AMBRA1: variants seen among roughly 807,000 people sequenced by gnomAD.
The protein encoded by AMBRA1 is autophagy and beclin 1 regulator 1.
AMBRA1 carries 47 observed loss-of-function variants against 125.4 expected under a neutral mutation model. The ratio of observed to expected loss-of-function variants is 0.37; its 90% CI spans 0.30 to 0.48. AMBRA1 has a LOEUF of 0.48. AMBRA1 is among the 20% of genes least tolerant of loss of function. The pLI is 0.99. For synonymous variants in AMBRA1, 626 were observed against 655.5 expected (o/e 0.95, Z 0.69); for missense variants, 1,331 against 1,693.4 (o/e 0.79, Z 3.76).
chr11:46,412,652 T>G (rs1946349646), intron 15 of AMBRA1, among the ~76,000 whole-genome samples: 1 of 152,212 alleles, frequency 6.6e-6, no homozygotes, highest in Non-Finnish European at 1.5e-5. Flanking sequence ...TATGGTTTGT[T>G]GACTCCATGA....
intron 9 of AMBRA1, among the ~76,000 whole-genome samples, chr11:46,502,592 G>A (rs1450670249): frequency 6.6e-6 from 1 of 152,286 alleles, no homozygotes; most frequent in African/African-American, 2.4e-5. Context: ...TCAGAAGAGA[G>A]CAGGAACAAG....
At chr11:46,578,622 G>A (rs549087137) in intron 1 of AMBRA1, among the ~76,000 whole-genome samples, 2 of 151,812 alleles carry the variant, frequency 1.3e-5, no homozygotes, top group African/African-American at 2.4e-5. Flanking sequence ...AGTGGTTCAC[G>A]CCTGTAATCC....
chr11:46,557,501 C>G (rs969381638), intron 1 of AMBRA1, among the ~76,000 whole-genome samples: 4 of 152,200 alleles, frequency 2.6e-5, no homozygotes, highest in South Asian at 4.2e-4. Flanking sequence ...CCACTGTCAC[C>G]TTTTTAAAAA....
chr11:46,517,037 G>C (rs751268102), intron 7 of AMBRA1, among the ~76,000 whole-genome samples: 17 of 152,016 alleles, frequency 1.1e-4, no homozygotes, highest in Admixed American at 5.9e-4. Context: ...TGGTGTCCAA[G>C]TGAGGTATAC....
intron 11 of AMBRA1, among the ~76,000 whole-genome samples, chr11:46,479,815 A>C (rs780059961): frequency 1.8e-4 from 27 of 152,156 alleles, no homozygotes; most frequent in Non-Finnish European, 1.3e-4. Flanking sequence ...ACATGTGTGA[A>C]ACTATCTGTT....
At chr11:46,582,709 A>G (rs1219459497) in intron 1 of AMBRA1, among the ~76,000 whole-genome samples, 1 of 152,190 alleles carries the variant, frequency 6.6e-6, no homozygotes, top group Non-Finnish European at 1.5e-5. Flanking sequence ...ACATCAATAA[A>G]ATGAGAAGAA....
chr11:46,465,437 A>G (rs1949283875), intron 11 of AMBRA1, among the ~76,000 whole-genome samples: 1 of 152,208 alleles, frequency 6.6e-6, no homozygotes. Context: ...TACTACAGTT[A>G]TGTGTAGGTG....
At chr11:46,412,442 G>A (rs981342156) in intron 15 of AMBRA1, among the ~76,000 whole-genome samples, 4 of 151,748 alleles carry the variant, frequency 2.6e-5, no homozygotes, top group African/African-American at 2.4e-5. Context: ...GCCTCACCAC[G>A]CCTGGCTAAT....
intron 11 of AMBRA1, among the ~76,000 whole-genome samples, chr11:46,450,079 A>G (rs1033028180): frequency 6.6e-6 from 1 of 151,582 alleles, no homozygotes; most frequent in African/African-American, 2.4e-5. Flanking sequence ...AAAAACAACT[A>G]ATGTCCACAC....
In AMBRA1 at chr11:46,585,160, G is replaced by C. The variant is rs190766278; in HGVS notation, c.-121+8668C>G. 5.3e-5 allele frequency among the ~76,000 whole-genome samples: 8 copies of C among 152,148 alleles called. No homozygotes were observed. In the East Asian group the frequency reaches 1.5e-3, roughly 29 times the overall value. On this transcript the variant is annotated intron_variant, in intron 1 of 17. Transcript: ENST00000683756. The stretch of plus-strand genomic sequence containing the variant: ...ACAGATGCTTGAAGGCAGCATGCTC[G>C]TTAAGAGTCATCACCACTCCCTAAT...
chr11:46,438,819 G>T lies in AMBRA1; in HGVS notation c.2633-3782C>A, dbSNP rs79446647. On this transcript the variant is annotated intron_variant, in intron 12 of 17. Transcript: ENST00000683756. ...CTAATGTGCCACTTTTTTCAGGAAA[G>T]CAATTTCAAAATTATTTATGCATGA... 4.5e-4 allele frequency among the ~76,000 whole-genome samples: 69 copies of T among 152,256 alleles called. No homozygotes were observed. The East Asian group carries it at 8.9e-3, about 20-fold the overall frequency.
rs534103289 is a variant in AMBRA1, at chr11:46,427,892, C to A, written c.2976+5582G>T. ...GGAGTGGTGGCGAGTGCCTGTAGACCCAGCTAATCAGGAGGCTGAGGCAGG... is the reference window on the plus strand; with the variant it reads ...GGAGTGGTGGCGAGTGCCTGTAGACACAGCTAATCAGGAGGCTGAGGCAGG... On this transcript the variant is annotated intron_variant, in intron 14 of 17. Transcript: ENST00000683756. Among the ~76,000 whole-genome samples the A allele has an allele frequency of 4.0e-5, 6 of 151,732 alleles. No homozygotes were observed. The South Asian group carries it at 1.3e-3, about 32-fold the overall frequency.
intron 17 of AMBRA1, among the ~76,000 whole-genome samples, chr11:46,405,230 A>G (rs2864071): frequency 0.99 from 150,519 of 152,318 alleles, 74,403 homozygotes; most frequent in East Asian, 1. Context: ...TCTCCCCTAA[A>G]CCCCACAGGC....
At position 46,542,542 on chromosome 11, in the gene AMBRA1, G is replaced by A. The variant is rs772363663; in HGVS notation, c.1475C>T (p.Ser492Leu). The stretch of plus-strand genomic sequence containing the variant: ...CTGAAGCTCATGGCGAATGCTGCCC[G>A]AGTTGTTTTGGCTGGAGCCATTCCC... ...DGGNGSSQNN[S>L]GSIRHELQCD... is the part of the protein sequence containing the mutation. Residue 492 changes from serine to leucine, a missense_variant, in exon 7 of 18, where the codon TCG becomes TTG. Around this residue, in one of 4 missense-constraint regions of AMBRA1, gnomAD observed 689 missense variants for 776.5 expected, o/e 0.89. Transcript: ENST00000683756. This position sits in a 1 kb window ranked among gnomAD's most constrained non-coding sequence, Gnocchi z 5.9. 70 of 1,613,060 alleles carry A rather than the reference G, an allele frequency of 4.3e-5. No homozygotes were observed. The highest frequency in any genetic ancestry group is 5.4e-5 in the Non-Finnish European group (64 of 1,180,032).
At chr11:46,544,076 T>G (rs375020123) in intron 5 of AMBRA1, 35 bp from the exon 6 acceptor site, 1 of 1,545,360 alleles carries the variant, frequency 6.5e-7, no homozygotes, top group Non-Finnish European at 8.9e-7. Flanking sequence ...AAGACACACA[T>G]AGAGAGATTA....
chr11:46,481,011 G>A (rs1457821816), intron 11 of AMBRA1, among the ~76,000 whole-genome samples: 1 of 152,158 alleles, frequency 6.6e-6, no homozygotes, highest in Non-Finnish European at 1.5e-5. Context: ...TCAGTAGAAG[G>A]AAAATGCCAA....
chr11:46,563,877 G>T (rs966339610), intron 1 of AMBRA1, among the ~76,000 whole-genome samples: 6 of 150,484 alleles, frequency 4.0e-5, no homozygotes, highest in Admixed American at 3.3e-4. Flanking sequence ...AGGCGTGGTG[G>T]CTCACATCTG....
chr11:46,581,170 C>T (rs1182338850), intron 1 of AMBRA1, among the ~76,000 whole-genome samples: 6 of 152,082 alleles, frequency 3.9e-5, no homozygotes, highest in African/African-American at 1.4e-4. Flanking sequence ...TAATTATACT[C>T]AGGATAAAAA....
At chr11:46,544,072 C>G (rs1337959749) in intron 5 of AMBRA1, 31 bp from the exon 6 acceptor site, 1 of 1,561,988 alleles carries the variant, frequency 6.4e-7, no homozygotes, top group Admixed American at 1.7e-5. Flanking sequence ...GACAAAGACA[C>G]ACATAGAGAG....
Sources: gnomAD v4.1 joint callset for allele counts (sites outside exome capture counted in the v4.1 genomes callset) on GRCh38, gnomAD v4.1.1 for gene constraint, gnomAD v4.1.1 regional missense constraint, Gnocchi (gnomAD v3.1) non-coding constraint, MANE v1.5 for transcripts, NCBI Gene and HGNC (gene_info 2026-07-23, HGNC 2026-07-21) for gene names.